The following CD96 variants were observed in gnomAD, a reference collection of about 807,000 sequenced individuals.
The protein encoded by CD96 is CD96 molecule.
A neutral mutation model predicts 71.3 loss-of-function variants in CD96; 70 were observed. The observed-to-expected ratio is 0.98, with a 90% confidence interval of 0.81 to 1.20. The LOEUF (loss-of-function observed/expected upper bound fraction) is 1.20, where lower values mean the gene tolerates loss of function less well. Among genes scored for constraint, CD96 ranks in the 50% most tolerant of loss-of-function variants. CD96 has a pLI of 0.00. For missense variants in CD96, 742 were observed against 677.5 expected, an observed-to-expected ratio of 1.10 and a Z score of -1.06; for synonymous variants, 248 against 233.0, an observed-to-expected ratio of 1.06 and a Z score of -0.59.
At chr3:111,603,363 T>C (rs1234152279) in intron 7 of CD96, among the ~76,000 whole-genome samples, 1 of 151,650 alleles carries the variant, frequency 6.6e-6, no homozygotes, top group Non-Finnish European at 1.5e-5. Flanking sequence ...GAGGATTGCA[T>C]GAGCCCAGGA....
At chr3:111,654,444 G>A (rs536364632), downstream of CD96, among the ~76,000 whole-genome samples, 2 of 152,352 alleles carry the variant, frequency 1.3e-5, no homozygotes, top group African/African-American at 2.4e-5. Context: ...TGGTGCATCT[G>A]TGATGGGTCT....
chr3:111,660,672 C>T (rs985888104), intron 14 of CD96, among the ~76,000 whole-genome samples: 46 of 152,298 alleles, frequency 3.0e-4, no homozygotes, highest in African/African-American at 1.1e-3. Flanking sequence ...AAAACAGACA[C>T]ATAAACCCGT....
intron 11 of CD96, among the ~76,000 whole-genome samples, chr3:111,637,800 T>C (rs992418822): frequency 5.1e-4 from 77 of 151,936 alleles, no homozygotes; most frequent in Middle Eastern, 3.4e-3. Context: ...AGCTTCTTTT[T>C]TTTTTTTTTC....
intron 10 of CD96, among the ~76,000 whole-genome samples, chr3:111,628,261 C>T (rs1253978238): frequency 1.3e-5 from 2 of 152,110 alleles, no homozygotes; most frequent in Admixed American, 6.5e-5. Flanking sequence ...TAACCCAATG[C>T]AAAGAAGCTA....
At chr3:111,610,478 G>A (rs1439836324) in intron 8 of CD96, among the ~76,000 whole-genome samples, 2 of 152,188 alleles carry the variant, frequency 1.3e-5, no homozygotes, top group Non-Finnish European at 2.9e-5. Context: ...TGCATGTCTG[G>A]CTGCAAGCAT....
At chr3:111,572,952 C>T (rs114617662) in intron 3 of CD96, among the ~76,000 whole-genome samples, 1,548 of 152,188 alleles carry the variant, frequency 0.01, 25 homozygotes, top group African/African-American at 0.035. Context: ...CTGAGGTAGA[C>T]GGGCATCAGG....
chr3:111,584,306 A>G (rs1936604177), intron 4 of CD96, among the ~76,000 whole-genome samples: 1 of 152,202 alleles, frequency 6.6e-6, no homozygotes, highest in African/African-American at 2.4e-5. Flanking sequence ...TTTTTGTCAA[A>G]GTGATTCAAC....
At chr3:111,552,346 T>C (rs539519257) in intron 2 of CD96, among the ~76,000 whole-genome samples, 1 of 152,238 alleles carries the variant, frequency 6.6e-6, no homozygotes, top group East Asian at 1.9e-4. Context: ...CCTCCGAGGA[T>C]GCAGCATTCA....
intron 3 of CD96, chr3:111,577,691 T>TTA: frequency 1.3e-6 from 1 of 741,200 alleles, no homozygotes; most frequent in Non-Finnish European, 2.5e-6. Flanking sequence ...GAGTTTCTAC[T>TTA]AAGTATATTC....
chr3:111,654,588 G>T (rs947592070), downstream of CD96, among the ~76,000 whole-genome samples: 3 of 152,314 alleles, frequency 2.0e-5, no homozygotes, highest in East Asian at 1.9e-4. Context: ...GCACACTCAG[G>T]TTCCTCATAT....
chr3:111,564,545 T>C (rs924901383), intron 2 of CD96, among the ~76,000 whole-genome samples: 9 of 152,284 alleles, frequency 5.9e-5, no homozygotes, highest in Middle Eastern at 3.4e-3. Flanking sequence ...ACTGGACTCA[T>C]TGGGAACTTT....
intron 3 of CD96, chr3:111,570,813 A>T: frequency 6.2e-7 from 1 of 1,613,588 alleles, no homozygotes; most frequent in South Asian, 1.1e-5. Flanking sequence ...CCCTGGAGGC[A>T]CCGGGATGGG....
At chr3:111,579,891 A>G (rs1341637472) in intron 4 of CD96, among the ~76,000 whole-genome samples, 3 of 152,206 alleles carry the variant, frequency 2.0e-5, no homozygotes, top group African/African-American at 7.2e-5. Context: ...TTCAAACCAT[A>G]ACAGACAGAA....
chr3:111,581,696 G>A lies in CD96; in HGVS notation c.751+2462G>A, dbSNP rs115651695. On this transcript the variant is annotated intron_variant, in intron 4 of 13. Transcript: ENST00000352690. ...TTGTCCTCAACCTCAAAGAAAATCT[G>A]TCTCACCCTGTCACCTCTGCAATTT... Among the ~76,000 whole-genome samples the A allele has an allele frequency of 2.7e-3, 414 of 152,282 alleles. 2 individuals carry two copies. Among genetic ancestry groups the A allele is most frequent in the African/African-American group, 9.1e-3 (378 of 41,542 alleles).
chr3:111,598,270 T>C (rs537994063), intron 6 of CD96, 60 bp downstream of exon 6: 27 of 808,360 alleles, frequency 3.3e-5, no homozygotes, highest in Non-Finnish European at 2.2e-5. Context: ...CAAAGAACAT[T>C]AGAAATTGTC....
At chr3:111,614,945 C>T (rs997922759) in intron 8 of CD96, among the ~76,000 whole-genome samples, 1 of 152,218 alleles carries the variant, frequency 6.6e-6, no homozygotes, top group African/African-American at 2.4e-5. Flanking sequence ...TTCAAAGGAA[C>T]TCTTAGCCAG....
chr3:111,564,462 G>C (rs1935607095), intron 2 of CD96, among the ~76,000 whole-genome samples: 1 of 148,778 alleles, frequency 6.7e-6, no homozygotes, highest in Non-Finnish European at 1.5e-5. Flanking sequence ...TTTCTGGAGT[G>C]ATTTTTAAAA....
intron 4 of CD96, among the ~76,000 whole-genome samples, chr3:111,580,005 A>ATT (rs1487895400): frequency 6.6e-6 from 1 of 152,198 alleles, no homozygotes; most frequent in African/African-American, 2.4e-5. Flanking sequence ...TAGTTGTCTA[A>ATT]TTGTCTTAGT....
intron 5 of CD96, among the ~76,000 whole-genome samples, chr3:111,592,156 TAG>T (rs1442242333): frequency 6.6e-6 from 1 of 152,208 alleles, no homozygotes; most frequent in Non-Finnish European, 1.5e-5. Flanking sequence ...GGTGTGGTTA[TAG>T]AGGAATCTGT....
Sources: gnomAD v4.1 joint callset for allele counts (sites outside exome capture counted in the v4.1 genomes callset) on GRCh38, gnomAD v4.1.1 for gene constraint, MANE v1.5 for transcripts, NCBI Gene and HGNC (gene_info 2026-07-23, HGNC 2026-07-21) for gene names.